CMPK1: variants seen among roughly 807,000 people sequenced by gnomAD.
The protein encoded by CMPK1 is UMP-CMP kinase.
In CMPK1, 10 loss-of-function variants were observed where a neutral mutation model predicts 25.7. The observed-to-expected ratio is 0.39, with a 90% CI of 0.24 to 0.66. The LOEUF is 0.66. Among genes scored for constraint, CMPK1 ranks in the 30% least tolerant of loss-of-function variants. The pLI is 0.48. For missense variants in CMPK1, 199 were observed against 280.5 expected (o/e 0.71, Z 2.08); for synonymous variants, 106 against 101.5 (o/e 1.04, Z -0.27).
chr1:47,370,959 AAAAT>A (rs3046950), intron 2 of CMPK1, among the ~76,000 whole-genome samples: 1,895 of 149,236 alleles, frequency 0.013, 45 homozygotes, highest in African/African-American at 0.044. Context: ...TCCGCCTCAA[AAAAT>A]AAATAAATAA....
chr1:47,356,730 G>A (rs116831481), intron 1 of CMPK1, among the ~76,000 whole-genome samples: 3,836 of 152,130 alleles, frequency 0.025, 192 homozygotes, highest in African/African-American at 0.088. Flanking sequence ...GTGCAATCAA[G>A]GCTCACGGCA....
chr1:47,366,805 A>G (rs1016097866), intron 1 of CMPK1, among the ~76,000 whole-genome samples: 3 of 152,084 alleles, frequency 2.0e-5, no homozygotes, highest in African/African-American at 7.2e-5. Flanking sequence ...GCTCACTGCA[A>G]CTTCTGCTGC....
chr1:47,357,077 C>T (rs1475194091), intron 1 of CMPK1, among the ~76,000 whole-genome samples: 1 of 151,884 alleles, frequency 6.6e-6, no homozygotes, highest in East Asian at 1.9e-4. Context: ...CATTCTCCTG[C>T]CTCAGCCTCC....
intron 1 of CMPK1, among the ~76,000 whole-genome samples, chr1:47,338,246 C>T (rs1001152383): frequency 6.6e-6 from 1 of 152,196 alleles, no homozygotes; most frequent in African/African-American, 2.4e-5. Context: ...ACCAAAAACC[C>T]TTAGGGATAT....
intron 1 of CMPK1, among the ~76,000 whole-genome samples, chr1:47,364,404 G>A (rs949387427): frequency 2.0e-5 from 3 of 151,706 alleles, no homozygotes; most frequent in South Asian, 2.1e-4. Context: ...TGCAAGCTCC[G>A]CCTCCCGGGT....
chr1:47,337,438 T>C (rs1441552062), intron 1 of CMPK1, among the ~76,000 whole-genome samples: 1 of 152,192 alleles, frequency 6.6e-6, no homozygotes, highest in Non-Finnish European at 1.5e-5. Context: ...TGTAATGTAT[T>C]ATATTATTAA....
chr1:47,362,571 G>A (rs1212130330), intron 1 of CMPK1, among the ~76,000 whole-genome samples: 2 of 152,094 alleles, frequency 1.3e-5, no homozygotes, highest in African/African-American at 2.4e-5. Context: ...TCCTGCCTCA[G>A]CCTCCTGAGT....
chr1:47,334,224 G>A, intron 1 of CMPK1, 108 bp downstream of exon 1: 4 of 1,061,854 alleles, frequency 3.8e-6, no homozygotes, highest in Non-Finnish European at 4.7e-6. Context: ...CGCAGACTAC[G>A]AGTCCCGGCG....
At chr1:47,348,310 G>A (rs1646499359) in intron 1 of CMPK1, among the ~76,000 whole-genome samples, 1 of 152,116 alleles carries the variant, frequency 6.6e-6, no homozygotes, top group Non-Finnish European at 1.5e-5. Context: ...CTACCTTAAA[G>A]CTAATACTTT....
At chr1:47,370,139 C>G (rs1447213302) in intron 2 of CMPK1, among the ~76,000 whole-genome samples, 1 of 147,924 alleles carries the variant, frequency 6.8e-6, no homozygotes, top group Non-Finnish European at 1.5e-5. Context: ...GGATGGTCTC[C>G]ATCTCCTGAC....
intron 1 of CMPK1, among the ~76,000 whole-genome samples, chr1:47,338,277 A>G (rs1252023310): frequency 2.6e-5 from 4 of 152,138 alleles, no homozygotes; most frequent in African/African-American, 9.7e-5. Context: ...AAGGCACTGA[A>G]ATTAGTGAAG....
chr1:47,356,322 A>G lies in CMPK1; in HGVS notation c.172-12147A>G, dbSNP rs536899808. ...TATTACTTGTTGAATTCTTATTTAT[A>G]CTTGGGTCTATTTCTGGAGTCCCTT... is the stretch of plus-strand genomic sequence containing the variant. On this transcript the variant is annotated intron_variant, in intron 1 of 5. Transcript: ENST00000371873. Among the ~76,000 whole-genome samples the G allele has an allele frequency of 6.6e-5, 10 of 152,164 alleles. No homozygotes were observed. In the East Asian group the frequency reaches 1.9e-3, roughly 29 times the overall value.
intron 1 of CMPK1, among the ~76,000 whole-genome samples, chr1:47,353,804 T>C (rs772106925): frequency 3.3e-5 from 5 of 152,166 alleles, no homozygotes; most frequent in Admixed American, 2.6e-4. Flanking sequence ...TCAACTTCGG[T>C]CTCCCAGGTT....
intron 2 of CMPK1, among the ~76,000 whole-genome samples, chr1:47,370,559 T>C (rs887435765): frequency 4.6e-5 from 7 of 151,130 alleles, no homozygotes; most frequent in Non-Finnish European, 1.0e-4. Context: ...AAGAATCGCA[T>C]GAACCTGGGA....
rs767082919 is a variant in CMPK1, at chr1:47,374,921, C to A, written c.484C>A (p.Arg162=). 1.2e-6 allele frequency: 2 copies of A among 1,610,252 alleles called. No homozygotes were observed. Among genetic ancestry groups the A allele is most frequent in the South Asian group, 1.1e-5 (1 of 90,950 alleles). Reference sequence around the variant, plus strand: ...TATCTCTTTTTAGATTTGTATTGAACGATGTCTTGAGAGGGGAAAGAGTAG... The same window carrying A: ...TATCTCTTTTTAGATTTGTATTGAAAGATGTCTTGAGAGGGGAAAGAGTAG... ...FDCNNEICIE[R]CLERGKSSGR... is the part of the protein sequence containing the mutation. The change falls in exon 4 of 6, where the codon CGA becomes AGA. Residue 162 remains arginine (R), a synonymous_variant. Transcript: ENST00000371873.
At chr1:47,359,296 A>G (rs1358076336) in intron 1 of CMPK1, among the ~76,000 whole-genome samples, 2 of 151,730 alleles carry the variant, frequency 1.3e-5, no homozygotes, top group South Asian at 2.1e-4. Context: ...CAGCCTGGGC[A>G]ACAGAGGGAG....
chr1:47,338,040 G>GT (rs1001266661), intron 1 of CMPK1, among the ~76,000 whole-genome samples: 3 of 151,974 alleles, frequency 2.0e-5, no homozygotes, highest in Non-Finnish European at 4.4e-5. Context: ...AGTTTTGGAG[G>GT]TTTTTTTCCT....
intron 1 of CMPK1, among the ~76,000 whole-genome samples, chr1:47,349,178 A>C (rs1288136507): frequency 6.6e-6 from 1 of 152,168 alleles, no homozygotes; most frequent in Non-Finnish European, 1.5e-5. Flanking sequence ...ATCAACTTTG[A>C]GTTTCTTCTT....
Position 47,375,002 on chromosome 1 carries a change from A to G in CMPK1, c.548+17A>G. 6.3e-7 allele frequency: 1 copy of G among 1,575,324 alleles called. No homozygotes were observed. Among genetic ancestry groups the G allele is most frequent in the Non-Finnish European group, 8.7e-7 (1 of 1,146,392 alleles). On this transcript the variant is annotated intron_variant, in intron 4 of 5. Coordinates refer to ENST00000371873, the MANE Select transcript of CMPK1 (RefSeq NM_016308.3). ...GGAAAAGAGGTACTTGGCAGTTTTT[A>G]CATACAACCACTTCAATCCCAGACC...
Sources: allele counts gnomAD v4.1 joint callset (sites outside exome capture counted in the v4.1 genomes callset), GRCh38; gene constraint gnomAD v4.1.1; transcripts MANE v1.5; gene names NCBI Gene and HGNC (gene_info 2026-07-23, HGNC 2026-07-21).